The following PCDHA7 variants were observed in gnomAD, a reference collection of about 807,000 sequenced individuals.
PCDHA7 encodes protocadherin alpha-7.
Under a neutral mutation model 57.2 loss-of-function variants are expected in PCDHA7, and 37 were observed. The observed-to-expected ratio is 0.65, with a 90% CI of 0.50 to 0.85. The LOEUF is 0.85. Among genes scored for constraint, PCDHA7 ranks in the 40% least tolerant of loss-of-function variants. The pLI is 0.00. For synonymous variants in PCDHA7, 553 were observed against 558.8 expected, an observed-to-expected ratio of 0.99 and a Z score of 0.15; for missense variants, 1,188 against 1,241.8, an observed-to-expected ratio of 0.96 and a Z score of 0.65.
chr5:140,928,161 C>T (rs155820), intron 1 of PCDHA7: 1 of 1,613,960 alleles, frequency 6.2e-7, no homozygotes, highest in South Asian at 1.1e-5. Context: ...GTGGCTCACC[C>T]CCACTTAGCA....
Position 140,835,300 on chromosome 5 carries a change from G to C in PCDHA7, c.917G>C (p.Gly306Ala). Reference sequence around the variant, plus strand: ...TTAAGTGGGGCAATCACAGTGATAGGACATATGGATTTTGAAGAAAGTAGA... The same window carrying C: ...TTAAGTGGGGCAATCACAGTGATAGCACATATGGATTTTGAAGAAAGTAGA... ...DPLSGAITVIGHMDFEESRAH... is the reference protein window; with the variant it reads ...DPLSGAITVIAHMDFEESRAH... Residue 306 changes from glycine to alanine, a missense_variant, in exon 1 of 4, where the codon GGA becomes GCA. Gly to Ala is a moderately conservative substitution (Grantham distance 60, BLOSUM62 0). Transcript: ENST00000525929. 6.2e-7 allele frequency: 1 copy of C among 1,612,792 alleles called. No homozygotes were observed. Among genetic ancestry groups the C allele is most frequent in the East Asian group, 2.2e-5 (1 of 44,810 alleles).
chr5:140,994,209 A>G (rs2097604620), intron 3 of PCDHA7, among the ~76,000 whole-genome samples: 1 of 152,142 alleles, frequency 6.6e-6, no homozygotes, highest in Non-Finnish European at 1.5e-5. Flanking sequence ...CCAGAATGGG[A>G]CCCAGGGTCT....
At chr5:140,850,470 C>T (rs2041624410) in intron 1 of PCDHA7, 2 of 1,597,978 alleles carry the variant, frequency 1.3e-6, no homozygotes, top group East Asian at 4.5e-5. Context: ...GGAGCCAGCG[C>T]TGACGGCCAC....
intron 1 of PCDHA7, among the ~76,000 whole-genome samples, chr5:140,902,233 T>C (rs1402685005): frequency 6.7e-6 from 1 of 149,150 alleles, no homozygotes; most frequent in African/African-American, 2.5e-5. Context: ...AGATGAGGAC[T>C]TGCTTTGTTG....
In PCDHA7 at chr5:141,011,225, A is replaced by G. The variant is rs962544716; in HGVS notation, c.*1288A>G. ...ATACAGTGAGCAGATTTTTCAATCT[A>G]CTAATTCTGTGACTTGTCTTGGTGT... On this transcript the variant is annotated 3_prime_UTR_variant, in exon 4 of 4. Transcript: ENST00000525929. 6.5e-6 allele frequency: 1 copy of G among 153,740 alleles called. No homozygotes were observed. Among genetic ancestry groups the G allele is most frequent in the South Asian group, 2.1e-4 (1 of 4,826 alleles). The allele number at this position is 153,740 out of a possible 1,614,324, so 9.5% of individuals were successfully genotyped here.
chr5:140,976,545 T>C (rs781810490), intron 1 of PCDHA7, among the ~76,000 whole-genome samples: 1 of 152,078 alleles, frequency 6.6e-6, no homozygotes, highest in Non-Finnish European at 1.5e-5. Flanking sequence ...AGTAAGACCC[T>C]ATCTCATAAA....
chr5:140,874,018 G>A (rs1033387450), intron 1 of PCDHA7, among the ~76,000 whole-genome samples: 2 of 152,114 alleles, frequency 1.3e-5, no homozygotes, highest in Admixed American at 1.3e-4. Context: ...TTTTGAAAAT[G>A]AAAAATAGGA....
rs1554228572 is a variant in PCDHA7 at position 140,966,716 on chromosome 5, G to A, written c.2356-12233G>A. On this transcript the variant is annotated intron_variant, in intron 1 of 3. Transcript: ENST00000525929. Reference sequence around the variant, plus strand: ...GGCCCGGGCGTGGGGCACGGCTGGGGAAGCTGCCGCCTCCGGCCCTGCCCG... The same window carrying A: ...GGCCCGGGCGTGGGGCACGGCTGGGAAAGCTGCCGCCTCCGGCCCTGCCCG... The A allele has an allele frequency of 2.3e-5, 32 of 1,394,682 alleles. No homozygotes were observed. The South Asian group carries it at 5.0e-4, about 22-fold the overall frequency. The allele number at this position is 1,394,682 out of a possible 1,614,324, so 86.4% of individuals were successfully genotyped here. A position where few individuals can be genotyped will look rare whatever the true frequency, so the allele number is the denominator to read the frequency against.
Position 140,850,103 on chromosome 5 carries a change from C to T in PCDHA7, c.2355+13365C>T, listed in dbSNP as rs2150467019. 4 of 1,596,104 alleles carry T rather than the reference C, an allele frequency of 2.5e-6. 1 individual carries two copies. Among genetic ancestry groups the T allele is most frequent in the African/African-American group, 1.3e-5 (1 of 74,456 alleles). On this transcript the variant is annotated intron_variant, in intron 1 of 3. Coordinates refer to ENST00000525929, the MANE Select transcript of PCDHA7 (RefSeq NM_018910.3). ...TGGAGCTGCTACAGTTCCAGGTGAGCGCGCGCGACGCGGGCGTGCCGCCTC... is the reference window on the plus strand; with the variant it reads ...TGGAGCTGCTACAGTTCCAGGTGAGTGCGCGCGACGCGGGCGTGCCGCCTC...
chr5:140,894,571 T>A (rs782019282), intron 1 of PCDHA7, among the ~76,000 whole-genome samples: 5 of 151,906 alleles, frequency 3.3e-5, no homozygotes, highest in Non-Finnish European at 5.9e-5. Context: ...TTATTTTCCT[T>A]TTTTTTAATA....
chr5:140,890,173 C>T (rs1188650558), intron 1 of PCDHA7, among the ~76,000 whole-genome samples: 4 of 152,114 alleles, frequency 2.6e-5, no homozygotes, highest in African/African-American at 7.2e-5. Context: ...CAGAAATAGG[C>T]AAATGCTACA....
In PCDHA7 at chr5:140,835,605, G is replaced by T; in HGVS notation, c.1222G>T (p.Val408Leu). 1 of 1,613,894 alleles carries T rather than the reference G, an allele frequency of 6.2e-7. No individual in the cohort carries two copies. ...VSTFKNYYSLVLDSALDRESV... is the reference protein window; with the variant it reads ...VSTFKNYYSLLLDSALDRESV... Reference sequence around the variant, plus strand: ...CACCTTCAAGAATTACTATTCATTGGTGCTGGACAGCGCTCTGGACCGCGA... The same window carrying T: ...CACCTTCAAGAATTACTATTCATTGTTGCTGGACAGCGCTCTGGACCGCGA... Residue 408 changes from valine to leucine, a missense_variant, in exon 1 of 4, where the codon GTG becomes TTG. Around this residue, in one of 3 missense-constraint regions of PCDHA7, gnomAD observed 892 missense variants for 788.5 expected, o/e 1.13. Coordinates refer to ENST00000525929, the MANE Select transcript of PCDHA7 (RefSeq NM_018910.3).
intron 1 of PCDHA7, chr5:140,842,313 C>T (rs2150333932): frequency 2.5e-6 from 4 of 1,607,028 alleles, no homozygotes; most frequent in East Asian, 2.2e-5. Flanking sequence ...CCTCCCATGG[C>T]GGGTCATTGC....
chr5:140,907,733 A>C (rs2073566986), intron 1 of PCDHA7, among the ~76,000 whole-genome samples: 1 of 152,162 alleles, frequency 6.6e-6, no homozygotes, highest in Non-Finnish European at 1.5e-5. Context: ...CATCCCTGCC[A>C]CCATGGCCAC....
intron 1 of PCDHA7, chr5:140,856,768 C>T: frequency 6.3e-7 from 1 of 1,596,818 alleles, no homozygotes; most frequent in African/African-American, 1.3e-5. Context: ...ACGCCCCTAT[C>T]TTTGACAGAC....
At chr5:140,914,339 C>T (rs1554196289) in intron 1 of PCDHA7, among the ~76,000 whole-genome samples, 1 of 152,130 alleles carries the variant, frequency 6.6e-6, no homozygotes, top group East Asian at 1.9e-4. Flanking sequence ...CCTTCTTTGT[C>T]TCTTTTTGGA....
chr5:140,882,143 C>A, intron 1 of PCDHA7: 2 of 1,494,048 alleles, frequency 1.3e-6, no homozygotes, highest in Admixed American at 2.3e-5. Context: ...GAAAATATAG[C>A]AGAAAGCGGA....
chr5:140,971,568 G>C (rs2096486593), intron 1 of PCDHA7, among the ~76,000 whole-genome samples: 1 of 152,074 alleles, frequency 6.6e-6, no homozygotes, highest in African/African-American at 2.4e-5. Flanking sequence ...CCCATGTTGG[G>C]CTTTCTTTTT....
intron 1 of PCDHA7, 27 bp from the exon 2 acceptor site, chr5:140,978,922 C>G: frequency 6.2e-7 from 1 of 1,613,966 alleles, no homozygotes; most frequent in Non-Finnish European, 8.5e-7. Context: ...GTCATTTTAA[C>G]AGAAAACTCT....
Sources: allele counts gnomAD v4.1 joint callset (sites outside exome capture counted in the v4.1 genomes callset), GRCh38; gene constraint gnomAD v4.1.1; regional missense constraint gnomAD v4.1.1; transcripts MANE v1.5; gene names NCBI Gene and HGNC (gene_info 2026-07-23, HGNC 2026-07-21).